ARB2A: variants seen among roughly 807,000 people sequenced by gnomAD.
The protein encoded by ARB2A is ARB2 cotranscriptional regulator A.
the ARB2A span, chr5:93,806,059 A>G: frequency 3.9e-6 from 2 of 510,498 alleles, no homozygotes; most frequent in Non-Finnish European, 5.0e-6. Context: ...GAGACAAGTA[A>G]ATTATGCAAG....
At chr5:94,085,878 T>C in the ARB2A span, among the ~76,000 whole-genome samples, 1 of 152,178 alleles carries the variant, frequency 6.6e-6, no homozygotes, top group Admixed American at 6.5e-5. Context: ...AACCAAATCT[T>C]AGAACACTAC....
chr5:94,044,497 G>A, the ARB2A span, among the ~76,000 whole-genome samples: 1 of 152,102 alleles, frequency 6.6e-6, no homozygotes, highest in Non-Finnish European at 1.5e-5. Flanking sequence ...TATTCAGCCT[G>A]AAGAAGTTAT....
At chr5:93,888,828 G>A in the ARB2A span, among the ~76,000 whole-genome samples, 1 of 151,648 alleles carries the variant, frequency 6.6e-6, no homozygotes, top group Non-Finnish European at 1.5e-5. Flanking sequence ...ATCAGTGCTT[G>A]TGGTGCTAGA....
chr5:93,854,175 T>C, the ARB2A span, among the ~76,000 whole-genome samples: 1 of 152,194 alleles, frequency 6.6e-6, no homozygotes, highest in East Asian at 1.9e-4. Context: ...TTCTTCCTGA[T>C]TTAGTCTTGG....
chr5:93,798,223 C>T, the ARB2A span, among the ~76,000 whole-genome samples: 1 of 152,094 alleles, frequency 6.6e-6, no homozygotes, highest in African/African-American at 2.4e-5. Flanking sequence ...ATCTACCATA[C>T]TACTTTCTGT....
At chr5:93,959,622 C>A in the ARB2A span, among the ~76,000 whole-genome samples, 1 of 152,046 alleles carries the variant, frequency 6.6e-6, no homozygotes, top group Non-Finnish European at 1.5e-5. Context: ...AAATGGACTT[C>A]CAAATTTCAT....
chr5:93,840,012 T>C, the ARB2A span, among the ~76,000 whole-genome samples: 1 of 152,222 alleles, frequency 6.6e-6, no homozygotes. Context: ...CATGTCTCAA[T>C]TTCCTTCAGT....
At chr5:93,633,743 T>G in the ARB2A span, among the ~76,000 whole-genome samples, 3 of 152,136 alleles carry the variant, frequency 2.0e-5, no homozygotes, top group Non-Finnish European at 4.4e-5. Context: ...GAGATTACTA[T>G]AATAAAGTTT....
At chr5:93,855,516 T>G in the ARB2A span, among the ~76,000 whole-genome samples, 1 of 152,184 alleles carries the variant, frequency 6.6e-6, no homozygotes, top group Non-Finnish European at 1.5e-5. Context: ...GTTAGCTGGT[T>G]ATTTTGCTCG....
the ARB2A span, among the ~76,000 whole-genome samples, chr5:93,763,130 T>C: frequency 1.0e-4 from 15 of 148,628 alleles, no homozygotes; most frequent in African/African-American, 3.7e-4. Context: ...AGGAAGAAAC[T>C]GCATCAACTA....
chr5:94,017,341 A>T, the ARB2A span, among the ~76,000 whole-genome samples: 1 of 152,232 alleles, frequency 6.6e-6, no homozygotes, highest in East Asian at 1.9e-4. Flanking sequence ...GAGATTCCTT[A>T]ATACAGGAGC....
the ARB2A span, among the ~76,000 whole-genome samples, chr5:94,057,701 C>T: frequency 1.3e-5 from 2 of 152,164 alleles, no homozygotes; most frequent in African/African-American, 2.4e-5. Context: ...CCTTAAACAA[C>T]TGGAAAGCAA....
chr5:94,089,977 T>C, the ARB2A span, among the ~76,000 whole-genome samples: 3 of 152,034 alleles, frequency 2.0e-5, no homozygotes, highest in African/African-American at 7.2e-5. Flanking sequence ...ATTTAATCAA[T>C]GAACCAACAA....
the ARB2A span, among the ~76,000 whole-genome samples, chr5:93,858,112 C>T: frequency 3.3e-5 from 5 of 152,164 alleles, no homozygotes; most frequent in East Asian, 1.9e-4. Flanking sequence ...TTCCAAGAAT[C>T]GTCTCCTGGT....
At chr5:93,943,600 G>A in the ARB2A span, among the ~76,000 whole-genome samples, 3 of 151,950 alleles carry the variant, frequency 2.0e-5, no homozygotes, top group Non-Finnish European at 4.4e-5. Context: ...CTAGGCATAG[G>A]TATCCATTAT....
chr5:93,699,005 GCA>G, the ARB2A span, among the ~76,000 whole-genome samples: 1 of 152,162 alleles, frequency 6.6e-6, no homozygotes, highest in Non-Finnish European at 1.5e-5. Flanking sequence ...GCTCCCAACA[GCA>G]CAGTTATCAG....
At chr5:93,881,222 G>C in the ARB2A span, 69 of 301,640 alleles carry the variant, frequency 2.3e-4, no homozygotes, top group Middle Eastern at 7.2e-3. Context: ...TTTTCTTGAG[G>C]TAGTATATGA....
the ARB2A span, among the ~76,000 whole-genome samples, chr5:94,093,448 C>T: frequency 6.6e-6 from 1 of 152,138 alleles, no homozygotes; most frequent in African/African-American, 2.4e-5. Flanking sequence ...TGCATTCTTA[C>T]TGGAGAAAGG....
At chr5:93,830,740 G>A in the ARB2A span, among the ~76,000 whole-genome samples, 1 of 152,032 alleles carries the variant, frequency 6.6e-6, no homozygotes, top group Admixed American at 6.6e-5. Flanking sequence ...TTGACATCAG[G>A]GACCAGTTTT....
Sources: gnomAD v4.1 joint callset for allele counts (sites outside exome capture counted in the v4.1 genomes callset) on GRCh38, gnomAD v4.1.1 for gene constraint, MANE v1.5 for transcripts, NCBI Gene and HGNC (gene_info 2026-07-23, HGNC 2026-07-21) for gene names.